The following KCNJ6 variants were observed in gnomAD, a reference collection of about 807,000 sequenced individuals.
KCNJ6 encodes potassium inwardly rectifying channel subfamily J member 6, also known as G protein-activated inward rectifier potassium channel 2.
In KCNJ6, 9 loss-of-function variants were observed where a neutral mutation model predicts 34.2. The ratio of observed to expected loss-of-function variants is 0.26; its 90% confidence interval spans 0.16 to 0.46. The LOEUF is 0.46. Ranked by LOEUF, KCNJ6 falls within the 20% of genes least tolerant of loss-of-function variation. The pLI, the probability that KCNJ6 is intolerant of heterozygous loss-of-function variation, is 1.00. For synonymous variants in KCNJ6, 196 were observed against 207.1 expected (o/e 0.95, Z 0.46); for missense variants, 236 against 531.3 (o/e 0.44, Z 5.46).
At chr21:37,719,087 G>A (rs1791267048) in intron 2 of KCNJ6, among the ~76,000 whole-genome samples, 1 of 152,108 alleles carries the variant, frequency 6.6e-6, no homozygotes, top group Non-Finnish European at 1.5e-5. Context: ...GGAGAGAAGA[G>A]ATGAAGGAGG....
chr21:37,664,258 A>C (rs1164395768), intron 3 of KCNJ6, among the ~76,000 whole-genome samples: 1 of 152,144 alleles, frequency 6.6e-6, no homozygotes, highest in African/African-American at 2.4e-5. Context: ...AGAAAGAAAA[A>C]TAATGAGCGA....
chr21:37,625,491 A>G lies in KCNJ6; in HGVS notation c.947-7T>C, dbSNP rs771640402. On this transcript the variant is annotated splice_polypyrimidine_tract_variant and splice_region_variant and intron_variant, in intron 3 of 3. Transcript: ENST00000609713. Reference sequence around the variant, plus strand: ...CGAGCTTGGCATGTCATCCCTGCAGAGAGAAGAATGGAGGCTTTAGCATAT... The same window carrying G: ...CGAGCTTGGCATGTCATCCCTGCAGGGAGAAGAATGGAGGCTTTAGCATAT... 76 of 1,605,910 alleles carry G rather than the reference A, an allele frequency of 4.7e-5. No individual in the cohort carries two copies. The highest frequency in any genetic ancestry group is 6.1e-5 in the Non-Finnish European group (72 of 1,174,614).
At chr21:37,867,028 C>A (rs1353837746) in intron 1 of KCNJ6, among the ~76,000 whole-genome samples, 1 of 152,180 alleles carries the variant, frequency 6.6e-6, no homozygotes, top group Non-Finnish European at 1.5e-5. Context: ...CAAATAAATT[C>A]TGTTAGGTGG....
At chr21:37,810,110 A>C (rs1168954095) in intron 2 of KCNJ6, among the ~76,000 whole-genome samples, 1 of 152,198 alleles carries the variant, frequency 6.6e-6, no homozygotes, top group Non-Finnish European at 1.5e-5. Context: ...TCCAGATTAT[A>C]AACAACACCT....
chr21:37,664,761 G>C (rs1407677923), intron 3 of KCNJ6, among the ~76,000 whole-genome samples: 4 of 147,426 alleles, frequency 2.7e-5, no homozygotes, highest in Non-Finnish European at 6.0e-5. Context: ...TAATTCCAAC[G>C]TTATGGAGAT....
intron 2 of KCNJ6, among the ~76,000 whole-genome samples, chr21:37,775,194 GTTGT>G (rs200090153): frequency 0.27 from 41,139 of 151,692 alleles, 5,587 homozygotes; most frequent in Middle Eastern, 0.32. Context: ...TGTTGATGGG[GTTGT>G]TTGTTTTTTT....
Position 37,860,964 on chromosome 21 carries a change from C to T in KCNJ6, c.-27-20255G>A, listed in dbSNP as rs143926103. 4.0e-3 allele frequency among the ~76,000 whole-genome samples: 519 copies of T among 128,558 alleles called. 2 individuals carry two copies. The highest frequency in any genetic ancestry group is 8.1e-3 in the Middle Eastern group (2 of 246). The allele number at this position is 128,558 out of a possible 152,430, so 84.3% of individuals were successfully genotyped here. A position where few individuals can be genotyped will look rare whatever the true frequency, so the allele number is the denominator to read the frequency against. On this transcript the variant is annotated intron_variant, in intron 1 of 3. Coordinates refer to ENST00000609713, the MANE Select transcript of KCNJ6 (RefSeq NM_002240.5). Reference sequence around the variant, plus strand: ...TTGAGCTGCATGACATTGGGAAAGTCCTTAACCTCCTTGTGCCTCATTTTC... The same window carrying T: ...TTGAGCTGCATGACATTGGGAAAGTTCTTAACCTCCTTGTGCCTCATTTTC...
At chr21:37,678,945 A>G (rs2054578928) in intron 3 of KCNJ6, among the ~76,000 whole-genome samples, 1 of 152,208 alleles carries the variant, frequency 6.6e-6, no homozygotes, top group African/African-American at 2.4e-5. Context: ...TGGATTTAGT[A>G]ACTCATTTCT....
At chr21:37,729,339 G>T (rs377106808) in intron 2 of KCNJ6, among the ~76,000 whole-genome samples, 29 of 151,878 alleles carry the variant, frequency 1.9e-4, no homozygotes, top group Admixed American at 7.2e-4. Context: ...CTTTTTGGGG[G>T]GGGGGGCAGG....
chr21:37,634,568 G>A (rs564706671), intron 3 of KCNJ6, among the ~76,000 whole-genome samples: 2 of 152,118 alleles, frequency 1.3e-5, no homozygotes, highest in Admixed American at 1.3e-4. Context: ...ACAGACAATG[G>A]CATATATTCA....
chr21:37,739,795 C>G (rs73408728), intron 2 of KCNJ6, among the ~76,000 whole-genome samples: 7 of 151,856 alleles, frequency 4.6e-5, no homozygotes, highest in African/African-American at 1.5e-4. Context: ...CCTGGAAAAA[C>G]GGGCATTTAC....
intron 2 of KCNJ6, among the ~76,000 whole-genome samples, chr21:37,753,359 C>T (rs566295350): frequency 6.6e-6 from 1 of 152,174 alleles, no homozygotes; most frequent in African/African-American, 2.4e-5. Flanking sequence ...GGCATGTCTG[C>T]GTTTCTTCCT....
intron 3 of KCNJ6, among the ~76,000 whole-genome samples, chr21:37,667,107 G>T (rs2054517406): frequency 1.6e-5 from 2 of 125,818 alleles, no homozygotes; most frequent in South Asian, 5.4e-4. Context: ...CTATGACCCT[G>T]CCACATCCCC....
intron 3 of KCNJ6, among the ~76,000 whole-genome samples, chr21:37,655,272 AGAGAGAGAGAGAGT>A (rs1244319666): frequency 1.3e-3 from 114 of 84,982 alleles, no homozygotes; most frequent in African/African-American, 6.9e-3. Flanking sequence ...AGAGAGAGAG[AGAGAGAGAGAGAGT>A]GTAACCATGA....
chr21:37,677,107 C>T (rs559265785), intron 3 of KCNJ6, among the ~76,000 whole-genome samples: 9 of 152,344 alleles, frequency 5.9e-5, no homozygotes, highest in African/African-American at 4.8e-5. Flanking sequence ...CCAGGTGCCA[C>T]GATGCTGGCA....
intron 2 of KCNJ6, among the ~76,000 whole-genome samples, chr21:37,835,965 C>A (rs1487587775): frequency 6.6e-6 from 1 of 152,028 alleles, no homozygotes; most frequent in Non-Finnish European, 1.5e-5. Flanking sequence ...AATTGGCAGC[C>A]CACTTTTTGA....
chr21:37,736,871 G>C (rs187288827), intron 2 of KCNJ6, among the ~76,000 whole-genome samples: 1 of 152,150 alleles, frequency 6.6e-6, no homozygotes, highest in African/African-American at 2.4e-5. Flanking sequence ...AGCATTTCAC[G>C]GTCACCCTCC....
intron 3 of KCNJ6, among the ~76,000 whole-genome samples, chr21:37,666,933 A>T (rs2054516348): frequency 6.6e-6 from 1 of 151,212 alleles, no homozygotes; most frequent in African/African-American, 2.4e-5. Context: ...GTGCTTTGTT[A>T]AACAGATGCT....
intron 3 of KCNJ6, among the ~76,000 whole-genome samples, chr21:37,666,079 G>A (rs995087371): frequency 3.3e-5 from 5 of 152,326 alleles, no homozygotes; most frequent in African/African-American, 1.2e-4. Context: ...TTCCCATGTT[G>A]CAGGTTAGAA....
Sources: allele counts gnomAD v4.1 joint callset (sites outside exome capture counted in the v4.1 genomes callset), GRCh38; gene constraint gnomAD v4.1.1; transcripts MANE v1.5; gene names NCBI Gene and HGNC (gene_info 2026-07-23, HGNC 2026-07-21).